Variants in HMG20A observed in about 807,000 individuals in gnomAD.
HMG20A encodes the protein high mobility group protein 20A.
In HMG20A, 17 loss-of-function variants were observed where a neutral mutation model predicts 43.9. The observed-to-expected ratio is 0.39, with a 90% CI of 0.27 to 0.58. HMG20A has a LOEUF of 0.58. HMG20A is among the 20% of genes least tolerant of loss of function. HMG20A has a pLI of 0.59. For synonymous variants in HMG20A, 132 were observed against 147.5 expected (o/e 0.89, Z 0.76); for missense variants, 341 against 438.2 (o/e 0.78, Z 1.98).
chr15:77,448,334 TC>T (rs1180758941), intron 1 of HMG20A, among the ~76,000 whole-genome samples: 2 of 152,268 alleles, frequency 1.3e-5, no homozygotes, highest in East Asian at 3.9e-4. Flanking sequence ...ACTAGTTCAG[TC>T]CAGCCACATT....
intron 1 of HMG20A, among the ~76,000 whole-genome samples, chr15:77,444,325 A>G (rs1236085125): frequency 2.0e-5 from 3 of 152,148 alleles, no homozygotes; most frequent in Admixed American, 6.5e-5. Flanking sequence ...AACAAAACAA[A>G]TCGTTCTGTA....
At chr15:77,449,449 C>G (rs2073711211) in intron 1 of HMG20A, among the ~76,000 whole-genome samples, 1 of 152,198 alleles carries the variant, frequency 6.6e-6, no homozygotes, top group African/African-American at 2.4e-5. Context: ...CCACAGCCCA[C>G]TGATTGCTTT....
At chr15:77,499,341 C>T in the HMG20A span, among the ~76,000 whole-genome samples, 1 of 152,204 alleles carries the variant, frequency 6.6e-6, no homozygotes, top group Non-Finnish European at 1.5e-5. Flanking sequence ...TGGCATCCTG[C>T]AGAATCCTCA....
intron 1 of HMG20A, among the ~76,000 whole-genome samples, chr15:77,443,471 A>G (rs973194677): frequency 6.7e-6 from 1 of 149,774 alleles, no homozygotes; most frequent in African/African-American, 2.5e-5. Context: ...ACCTCACTGC[A>G]ACATCCACCT....
chr15:77,442,231 G>A (rs1298484970), intron 1 of HMG20A, among the ~76,000 whole-genome samples: 1 of 152,112 alleles, frequency 6.6e-6, no homozygotes, highest in Non-Finnish European at 1.5e-5. Flanking sequence ...GATAATTTCA[G>A]TGTATTTTCA....
rs566931628 is a variant in HMG20A, at chr15:77,460,941, G to A, written c.89+2445G>A. Among the ~76,000 whole-genome samples, 27 of 152,126 alleles carry A rather than the reference G, an allele frequency of 1.8e-4. 1 individual carries two copies. The highest frequency in any genetic ancestry group is 3.4e-4 in the Non-Finnish European group (23 of 67,996). The stretch of plus-strand genomic sequence containing the variant: ...GCGGAAGTTGCAGTGAGCTGTGATC[G>A]TGCCACTGCACTCCAGCCTGGGTGA... On this transcript the variant is annotated intron_variant, in intron 2 of 9. Coordinates refer to ENST00000336216, the MANE Select transcript of HMG20A (RefSeq NM_001304504.2).
At chr15:77,473,288 T>C (rs1028262834) in intron 6 of HMG20A, among the ~76,000 whole-genome samples, 2 of 152,260 alleles carry the variant, frequency 1.3e-5, no homozygotes, top group Admixed American at 1.3e-4. Flanking sequence ...AAACTTTGTA[T>C]GTATTCTTTG....
the HMG20A span, among the ~76,000 whole-genome samples, chr15:77,496,137 C>T: frequency 1.3e-5 from 2 of 152,138 alleles, no homozygotes; most frequent in Admixed American, 1.3e-4. Flanking sequence ...GGAGGAGGGG[C>T]GGCCTCCCTA....
intron 3 of HMG20A, among the ~76,000 whole-genome samples, chr15:77,466,882 G>A (rs2072761150): frequency 6.6e-6 from 1 of 152,174 alleles, no homozygotes; most frequent in Non-Finnish European, 1.5e-5. Context: ...ACATAAAAGA[G>A]GTTGCAAGTG....
chr15:77,496,213 G>A, the HMG20A span, among the ~76,000 whole-genome samples: 2 of 152,136 alleles, frequency 1.3e-5, no homozygotes, highest in Non-Finnish European at 2.9e-5. Flanking sequence ...TGTGTTCTTG[G>A]ATATAAATAT....
At position 77,467,248 on chromosome 15, in the gene HMG20A, C is replaced by T; in HGVS notation, c.391C>T (p.Pro131Ser). 6.2e-7 allele frequency: 1 copy of T among 1,614,100 alleles called. No individual in the cohort carries two copies. Among genetic ancestry groups the T allele is most frequent in the Non-Finnish European group, 8.5e-7 (1 of 1,180,000 alleles). The change falls in exon 4 of 10, where the codon CCA becomes TCA. Residue 131 changes from proline to serine, a missense_variant. By Grantham distance (74) the Pro-to-Ser change is moderately conservative. Around this residue, in one of 3 missense-constraint regions of HMG20A, gnomAD observed 220 missense variants for 263.6 expected, o/e 0.83. Coordinates refer to ENST00000336216, the MANE Select transcript of HMG20A (RefSeq NM_001304504.2). Reference protein sequence around the residue: ...LRAKRPEVPFPEITRMLGNEW... With the variant: ...LRAKRPEVPFSEITRMLGNEW... ...AGCAAAGAGACCAGAAGTCCCATTT[C>T]CAGAAATCACAAGGATGTTAGGCAA...
chr15:77,421,440 A>C (rs867845396), intron 1 of HMG20A, among the ~76,000 whole-genome samples: 2 of 152,218 alleles, frequency 1.3e-5, no homozygotes, highest in Non-Finnish European at 2.9e-5. Context: ...TTTTCTTCAA[A>C]GAATTCGAAA....
intron 1 of HMG20A, among the ~76,000 whole-genome samples, chr15:77,425,604 A>T (rs2073418690): frequency 6.6e-6 from 1 of 150,758 alleles, no homozygotes; most frequent in African/African-American, 2.4e-5. Context: ...GGAAAAAAGT[A>T]AATTGTTACT....
chr15:77,461,097 A>G (rs2142329515), intron 2 of HMG20A, among the ~76,000 whole-genome samples: 1 of 152,296 alleles, frequency 6.6e-6, no homozygotes, highest in South Asian at 2.1e-4. Flanking sequence ...CCTAGAACCC[A>G]AGTGAAAAAA....
intron 9 of HMG20A, among the ~76,000 whole-genome samples, chr15:77,480,796 G>T (rs940014415): frequency 5.4e-5 from 8 of 149,254 alleles, no homozygotes; most frequent in African/African-American, 1.7e-4. Flanking sequence ...AATGGAATTG[G>T]TATTTATTCA....
intron 1 of HMG20A, among the ~76,000 whole-genome samples, chr15:77,440,979 C>T (rs1567393434): frequency 6.6e-6 from 1 of 152,100 alleles, no homozygotes; most frequent in Non-Finnish European, 1.5e-5. Flanking sequence ...ACGTATAGCT[C>T]TTAAAATAGT....
At chr15:77,491,334 C>T in the HMG20A span, among the ~76,000 whole-genome samples, 1 of 152,304 alleles carries the variant, frequency 6.6e-6, no homozygotes, top group Admixed American at 6.5e-5. Flanking sequence ...CAGCTGGGTC[C>T]AGGCACTGGA....
At chr15:77,511,549 A>G in the HMG20A span, among the ~76,000 whole-genome samples, 677 of 152,360 alleles carry the variant, frequency 4.4e-3, 2 homozygotes, top group African/African-American at 0.014. Flanking sequence ...AATATCCAGA[A>G]TATATAAAGA....
chr15:77,481,087 T>C (rs1383612477), intron 9 of HMG20A, among the ~76,000 whole-genome samples: 1 of 152,216 alleles, frequency 6.6e-6, no homozygotes, highest in Non-Finnish European at 1.5e-5. Context: ...GTTTGGACTT[T>C]GAGCAACATA....
Sources: gnomAD v4.1 joint callset for allele counts (sites outside exome capture counted in the v4.1 genomes callset) on GRCh38, gnomAD v4.1.1 for gene constraint, gnomAD v4.1.1 regional missense constraint, MANE v1.5 for transcripts, NCBI Gene and HGNC (gene_info 2026-07-23, HGNC 2026-07-21) for gene names.